The following GPRIN3 variants were observed in gnomAD, a reference collection of about 807,000 sequenced individuals.
GPRIN3 encodes the protein GPRIN family member 3.
Under a neutral mutation model 13.7 loss-of-function variants are expected in GPRIN3, and 12 were observed. The ratio of observed to expected loss-of-function variants is 0.87; its 90% confidence interval spans 0.56 to 1.42. The LOEUF is 1.42. Among genes scored for constraint, GPRIN3 ranks in the 40% most tolerant of loss-of-function variants. GPRIN3 has a pLI of 0.00. For synonymous variants in GPRIN3, 377 were observed against 372.7 expected, an observed-to-expected ratio of 1.01 and a Z score of -0.13; for missense variants, 1,009 against 958.7, an observed-to-expected ratio of 1.05 and a Z score of -0.69.
intron 1 of GPRIN3, among the ~76,000 whole-genome samples, chr4:89,283,552 G>A (rs181827137): frequency 6.6e-6 from 1 of 152,168 alleles, no homozygotes; most frequent in Non-Finnish European, 1.5e-5. Flanking sequence ...CATATCTAGT[G>A]GGGGAGGCAG....
At chr4:89,304,216 T>C (rs1478087945) in intron 1 of GPRIN3, among the ~76,000 whole-genome samples, 1 of 152,234 alleles carries the variant, frequency 6.6e-6, no homozygotes, top group African/African-American at 2.4e-5. Flanking sequence ...CAGGCAATTA[T>C]GCTATTCAGA....
intron 1 of GPRIN3, among the ~76,000 whole-genome samples, chr4:89,299,586 C>T (rs772349289): frequency 1.3e-5 from 2 of 152,146 alleles, no homozygotes; most frequent in African/African-American, 2.4e-5. Flanking sequence ...GCCATAGTAA[C>T]GGAGCAGTTC....
At chr4:89,254,633 G>A (rs1449933688) in intron 1 of GPRIN3, among the ~76,000 whole-genome samples, 1 of 152,214 alleles carries the variant, frequency 6.6e-6, no homozygotes, top group East Asian at 1.9e-4. Flanking sequence ...ATCATTGCTG[G>A]GCATTTAGGT....
At chr4:89,258,895 C>A (rs951667726) in intron 1 of GPRIN3, among the ~76,000 whole-genome samples, 4 of 152,168 alleles carry the variant, frequency 2.6e-5, no homozygotes, top group African/African-American at 9.7e-5. Flanking sequence ...ATAAAATGGA[C>A]CTGCTTCAAA....
chr4:89,298,418 C>T (rs1246301029), intron 1 of GPRIN3, among the ~76,000 whole-genome samples: 2 of 151,970 alleles, frequency 1.3e-5, no homozygotes, highest in Non-Finnish European at 2.9e-5. Flanking sequence ...AGCTGAATTG[C>T]TCAGCATACA....
At chr4:89,307,290 C>T (rs547666485) in intron 1 of GPRIN3, among the ~76,000 whole-genome samples, 8 of 151,968 alleles carry the variant, frequency 5.3e-5, no homozygotes, top group Admixed American at 2.0e-4. Context: ...CACACACACA[C>T]ACACACACCC....
chr4:89,266,764 C>T (rs554106245), intron 1 of GPRIN3, among the ~76,000 whole-genome samples: 80 of 152,116 alleles, frequency 5.3e-4, no homozygotes, highest in African/African-American at 1.8e-3. Flanking sequence ...TCAATGGATC[C>T]GTTCTCAAAG....
chr4:89,299,469 C>T (rs182619689), intron 1 of GPRIN3, among the ~76,000 whole-genome samples: 104 of 152,250 alleles, frequency 6.8e-4, no homozygotes, highest in Admixed American at 1.8e-3. Context: ...ACAGCTTTCC[C>T]TACCGAAGAG....
intron 1 of GPRIN3, among the ~76,000 whole-genome samples, chr4:89,270,588 T>TATAA (rs1553951371): frequency 3.1e-5 from 4 of 129,602 alleles, no homozygotes; most frequent in African/African-American, 1.3e-4. Flanking sequence ...TATATATATA[T>TATAA]ATATATATAT....
chr4:89,271,697 T>G (rs899804460), intron 1 of GPRIN3, among the ~76,000 whole-genome samples: 2 of 152,034 alleles, frequency 1.3e-5, no homozygotes, highest in Middle Eastern at 3.4e-3. Flanking sequence ...TTGGGGGTAG[T>G]GGAGTAAAGG....
At chr4:89,285,264 G>A (rs937297594) in intron 1 of GPRIN3, among the ~76,000 whole-genome samples, 3 of 151,946 alleles carry the variant, frequency 2.0e-5, no homozygotes, top group Admixed American at 6.6e-5. Context: ...TAAATGATGG[G>A]TGCAGCAAAC....
rs964757594 is a variant in GPRIN3, at chr4:89,242,193, A to T, written c.*5587T>A. 1 of 152,220 alleles carries T rather than the reference A, an allele frequency of 6.6e-6. No homozygotes were observed. Among genetic ancestry groups the T allele is most frequent in the African/African-American group, 2.4e-5 (1 of 41,454 alleles). The allele number at this position is 152,220 out of a possible 1,614,324, so 9.4% of individuals were successfully genotyped here. On this transcript the variant is annotated 3_prime_UTR_variant, in exon 2 of 2. Transcript: ENST00000609438. ...GCCAATTAATTTTGAGCTTGAATCC[A>T]GAAAGATACTTGATGAAGAGTTAGC... is the stretch of plus-strand genomic sequence containing the variant.
intron 1 of GPRIN3, among the ~76,000 whole-genome samples, chr4:89,272,178 G>A (rs1197349230): frequency 6.6e-6 from 1 of 152,210 alleles, no homozygotes; most frequent in African/African-American, 2.4e-5. Flanking sequence ...CTAAGACAGA[G>A]TAACGGGTTA....
At chr4:89,283,461 C>A (rs974427443) in intron 1 of GPRIN3, among the ~76,000 whole-genome samples, 8 of 152,054 alleles carry the variant, frequency 5.3e-5, no homozygotes, top group Admixed American at 2.0e-4. Context: ...GAAAAAAATA[C>A]CAGGAACATA....
In GPRIN3 at chr4:89,238,832, T is replaced by C. The variant is rs1280143347; in HGVS notation, c.*8948A>G. 5.3e-5 allele frequency: 8 copies of C among 152,120 alleles called. No individual in the cohort carries two copies. Among genetic ancestry groups the C allele is most frequent in the Non-Finnish European group, 1.5e-5 (1 of 68,030 alleles). 9.4% of individuals were successfully genotyped at this position (152,120 alleles called of 1,614,324 possible). A position where few individuals can be genotyped will look rare whatever the true frequency, so the allele number is the denominator to read the frequency against. On this transcript the variant is annotated 3_prime_UTR_variant, in exon 2 of 2. Coordinates refer to ENST00000609438, the MANE Select transcript of GPRIN3 (RefSeq NM_198281.3). The stretch of plus-strand genomic sequence containing the variant: ...ATTTCAATAGCAGTGGAAACAATAA[T>C]AACATCAACAAAAAACAGAATAAAT...
At chr4:89,283,093 T>C (rs775179418) in intron 1 of GPRIN3, among the ~76,000 whole-genome samples, 13 of 152,184 alleles carry the variant, frequency 8.5e-5, no homozygotes, top group Non-Finnish European at 1.8e-4. Flanking sequence ...GTTTGTAAAA[T>C]CCCTTGCTTC....
chr4:89,250,796 T>A (rs575138321), intron 1 of GPRIN3: 8 of 152,314 alleles, frequency 5.3e-5, no homozygotes, highest in African/African-American at 1.7e-4. Context: ...ATGTTTATAT[T>A]ATACCAATTC....
chr4:89,247,801 G>A lies in GPRIN3; in HGVS notation c.2310C>T (p.Ala770=), dbSNP rs779622626. The A allele has an allele frequency of 8.1e-6, 13 of 1,612,720 alleles. No homozygotes were observed. Among genetic ancestry groups the A allele is most frequent in the Admixed American group, 3.3e-5 (2 of 59,960 alleles). The part of the protein sequence containing the change: ...FRRPNCCVRP[A]PSSVLD Reference sequence around the variant, plus strand: ...CCTTTCAATCTAACACAGAAGACGGGGCAGGACGGACGCAGCAGTTGGGGC... The same window carrying A: ...CCTTTCAATCTAACACAGAAGACGGAGCAGGACGGACGCAGCAGTTGGGGC... Residue 770 remains alanine, a synonymous_variant, in exon 2 of 2, where the codon GCC becomes GCT. Transcript: ENST00000609438.
At chr4:89,304,698 T>C (rs1724988765) in intron 1 of GPRIN3, among the ~76,000 whole-genome samples, 1 of 152,220 alleles carries the variant, frequency 6.6e-6, no homozygotes, top group African/African-American at 2.4e-5. Context: ...TTTTACACTA[T>C]CATATGTTTG....
Sources: allele counts gnomAD v4.1 joint callset (sites outside exome capture counted in the v4.1 genomes callset), GRCh38; gene constraint gnomAD v4.1.1; transcripts MANE v1.5; gene names NCBI Gene and HGNC (gene_info 2026-07-23, HGNC 2026-07-21).